Variants in DTNA observed in about 807,000 individuals in gnomAD.
The protein encoded by DTNA is dystrobrevin alpha, also known as dystrophin-related protein 3.
DTNA carries 43 observed loss-of-function variants against 100.7 expected under a neutral mutation model. The observed-to-expected ratio is 0.43, with a 90% CI of 0.33 to 0.55. The LOEUF is 0.55. Ranked by LOEUF, DTNA falls within the 20% of genes least tolerant of loss-of-function variation. The pLI is 0.04. For missense variants in DTNA, 798 were observed against 953.9 expected (o/e 0.84, Z 2.15); for synonymous variants, 349 against 347.9 (o/e 1.00, Z -0.04).
intron 4 of DTNA, among the ~76,000 whole-genome samples, chr18:34,796,814 T>G (rs1326965224): frequency 6.6e-6 from 1 of 152,180 alleles, no homozygotes; most frequent in Non-Finnish European, 1.5e-5. Flanking sequence ...CCCAGGTAGT[T>G]GAACTTCGTG....
chr18:34,603,963 A>G (rs2052484153), intron 1 of DTNA, among the ~76,000 whole-genome samples: 1 of 152,200 alleles, frequency 6.6e-6, no homozygotes, highest in East Asian at 1.9e-4. Flanking sequence ...TAAAGTTATC[A>G]TGTATGGGAA....
intron 1 of DTNA, among the ~76,000 whole-genome samples, chr18:34,750,160 A>T (rs1288789697): frequency 6.6e-6 from 1 of 152,222 alleles, no homozygotes; most frequent in Non-Finnish European, 1.5e-5. Context: ...TGTTTGCTAA[A>T]GTGGAGCAAA....
Position 34,556,763 on chromosome 18 carries a change from T to C in DTNA, c.-2+63249T>C, listed in dbSNP as rs932306633. ...CCACTGTTAGTCTGATGGGCTTCCC[T>C]TTGAGGGTAACCCAACCTTTCTCTC... On this transcript the variant is annotated intron_variant, in intron 1 of 19. Coordinates refer to the DTNA transcript ENST00000283365. Among the ~76,000 whole-genome samples the C allele has an allele frequency of 1.3e-5, 2 of 152,076 alleles. 1 individual carries two copies. The highest frequency in any genetic ancestry group is 3.9e-4 in the East Asian group (2 of 5,190).
chr18:34,728,095 G>A (rs2087159836), intron 1 of DTNA, among the ~76,000 whole-genome samples: 1 of 152,106 alleles, frequency 6.6e-6, no homozygotes, highest in African/African-American at 2.4e-5. Context: ...TCGCAATGTT[G>A]TGATATTAAG....
At chr18:34,848,468 G>A (rs976217945) in intron 14 of DTNA, 85 bp downstream of exon 14, 9 of 1,369,490 alleles carry the variant, frequency 6.6e-6, no homozygotes, top group Non-Finnish European at 9.3e-6. Flanking sequence ...ATTATAGCTG[G>A]TGCTGATTAC....
intron 1 of DTNA, among the ~76,000 whole-genome samples, chr18:34,524,762 TA>T (rs202231288): frequency 1.5e-3 from 226 of 151,372 alleles, no homozygotes; most frequent in African/African-American, 5.4e-3. Context: ...GATTTTTTTT[TA>T]AAAAAAAGGT....
chr18:34,645,887 T>G (rs1200110251), intron 1 of DTNA, among the ~76,000 whole-genome samples: 2 of 152,176 alleles, frequency 1.3e-5, no homozygotes, highest in African/African-American at 4.8e-5. Flanking sequence ...TTATTAATAT[T>G]TTCCTCTTGG....
At chr18:34,719,208 G>A (rs556512904) in intron 1 of DTNA, among the ~76,000 whole-genome samples, 2 of 152,142 alleles carry the variant, frequency 1.3e-5, no homozygotes, top group South Asian at 2.1e-4. Flanking sequence ...AGGCATGGTG[G>A]TGTGGGTCTA....
chr18:34,565,357 T>C (rs2146303435), intron 1 of DTNA, among the ~76,000 whole-genome samples: 1 of 152,318 alleles, frequency 6.6e-6, no homozygotes, highest in East Asian at 1.9e-4. Context: ...TAATAGACAG[T>C]TAAGAATCTG....
intron 3 of DTNA, among the ~76,000 whole-genome samples, chr18:34,785,424 T>G (rs559658397): frequency 6.6e-6 from 1 of 152,328 alleles, no homozygotes; most frequent in African/African-American, 2.4e-5. Flanking sequence ...TAATTCTACC[T>G]GAATATGAGA....
chr18:34,877,589 C>T (rs2096831018), intron 18 of DTNA, 130 bp from the exon 19 acceptor site: 2 of 714,090 alleles, frequency 2.8e-6, no homozygotes, highest in Non-Finnish European at 4.7e-6. Flanking sequence ...TGAACTAAAG[C>T]ACTTCTGAAA....
intron 1 of DTNA, among the ~76,000 whole-genome samples, chr18:34,534,758 C>T (rs537215829): frequency 6.6e-6 from 1 of 152,054 alleles, no homozygotes; most frequent in South Asian, 2.1e-4. Flanking sequence ...TTTACTGTTC[C>T]TGTGTTAGTT....
At chr18:34,658,556 G>A (rs1054182241) in intron 1 of DTNA, among the ~76,000 whole-genome samples, 23 of 152,216 alleles carry the variant, frequency 1.5e-4, no homozygotes, top group African/African-American at 5.5e-4. Context: ...GTTTTGTCAT[G>A]TTGCCCAAGC....
chr18:34,576,972 A>G (rs995012126), intron 1 of DTNA, among the ~76,000 whole-genome samples: 7 of 152,162 alleles, frequency 4.6e-5, no homozygotes, highest in Non-Finnish European at 1.0e-4. Flanking sequence ...TTGCCTTGAA[A>G]GGTCCCAAAA....
At chr18:34,629,795 C>G (rs949890653) in intron 1 of DTNA, among the ~76,000 whole-genome samples, 1 of 152,132 alleles carries the variant, frequency 6.6e-6, no homozygotes, top group Non-Finnish European at 1.5e-5. Context: ...CCACCTTCCT[C>G]CTAACTTAGT....
intron 3 of DTNA, among the ~76,000 whole-genome samples, chr18:34,791,715 T>A (rs1031050293): frequency 3.3e-5 from 5 of 152,228 alleles, no homozygotes; most frequent in Non-Finnish European, 7.3e-5. Flanking sequence ...TGGTATGTGA[T>A]TTGTACTCAT....
intron 1 of DTNA, among the ~76,000 whole-genome samples, chr18:34,638,966 C>T (rs1420887796): frequency 3.9e-5 from 6 of 152,060 alleles, no homozygotes; most frequent in East Asian, 1.9e-4. Flanking sequence ...CTCAGCCTCC[C>T]GAGTAGCTGG....
intron 1 of DTNA, among the ~76,000 whole-genome samples, chr18:34,741,846 A>G (rs578242390): frequency 6.6e-6 from 1 of 152,352 alleles, no homozygotes. Flanking sequence ...AAATATTAGT[A>G]TATAACAATA....
At chr18:34,622,240 C>T (rs941125047) in intron 1 of DTNA, among the ~76,000 whole-genome samples, 2 of 152,272 alleles carry the variant, frequency 1.3e-5, no homozygotes, top group Non-Finnish European at 2.9e-5. Context: ...TCATATTGTA[C>T]ACTATAAATA....
Sources: allele counts gnomAD v4.1 joint callset (sites outside exome capture counted in the v4.1 genomes callset), GRCh38; gene constraint gnomAD v4.1.1; transcripts MANE v1.5; gene names NCBI Gene and HGNC (gene_info 2026-07-23, HGNC 2026-07-21).